GRID1: variants seen among roughly 807,000 people sequenced by gnomAD.
GRID1 encodes glutamate receptor ionotropic, delta-1.
In GRID1, 28 loss-of-function variants were observed where a neutral mutation model predicts 98.0. The observed-to-expected ratio is 0.29, with a 90% CI of 0.21 to 0.39. The LOEUF (loss-of-function observed/expected upper bound fraction) is 0.39. GRID1 is among the 10% of genes least tolerant of loss of function. GRID1 has a pLI of 1.00. For synonymous variants in GRID1, 553 were observed against 538.5 expected (o/e 1.03, Z -0.37); for missense variants, 1,111 against 1,340.5 (o/e 0.83, Z 2.67).
At chr10:86,265,475 CAT>C (rs1847090126) in intron 2 of GRID1, among the ~76,000 whole-genome samples, 1 of 152,246 alleles carries the variant, frequency 6.6e-6, no homozygotes, top group Non-Finnish European at 1.5e-5. Context: ...TGCCCACAGG[CAT>C]AGAGCTATTA....
At chr10:86,272,072 CA>C (rs1189329438) in intron 2 of GRID1, among the ~76,000 whole-genome samples, 18 of 151,988 alleles carry the variant, frequency 1.2e-4, no homozygotes, top group African/African-American at 4.4e-4. Flanking sequence ...ATAAGGATGA[CA>C]GTAAATTTCT....
chr10:85,803,081 G>A (rs974873768), intron 8 of GRID1, among the ~76,000 whole-genome samples: 2 of 152,062 alleles, frequency 1.3e-5, no homozygotes, highest in African/African-American at 2.4e-5. Flanking sequence ...GGCTGGGAAG[G>A]GTAGTTGGAG....
chr10:86,164,910 C>T (rs4644592), intron 3 of GRID1, among the ~76,000 whole-genome samples: 10,133 of 152,124 alleles, frequency 0.067, 627 homozygotes, highest in South Asian at 0.15. Flanking sequence ...AAAGCATGTC[C>T]TTGGGTGATG....
At chr10:85,718,327 G>T (rs1290277658) in intron 12 of GRID1, among the ~76,000 whole-genome samples, 1 of 152,122 alleles carries the variant, frequency 6.6e-6, no homozygotes, top group African/African-American at 2.4e-5. Flanking sequence ...TCTAGGCAAA[G>T]GTTCTCAAAC....
At chr10:85,953,228 TG>T (rs772346219) in intron 4 of GRID1, among the ~76,000 whole-genome samples, 5 of 152,008 alleles carry the variant, frequency 3.3e-5, no homozygotes, top group African/African-American at 7.2e-5. Context: ...TGCAGGGACA[TG>T]GGTGGAGCTG....
At chr10:85,720,741 G>T (rs999024770) in intron 12 of GRID1, among the ~76,000 whole-genome samples, 1 of 151,678 alleles carries the variant, frequency 6.6e-6, no homozygotes, top group African/African-American at 2.4e-5. Flanking sequence ...ATTGATTGTG[G>T]ACTGAATTGT....
intron 13 of GRID1, among the ~76,000 whole-genome samples, chr10:85,644,802 T>G (rs1189673451): frequency 6.6e-6 from 1 of 152,236 alleles, no homozygotes; most frequent in Admixed American, 6.5e-5. Flanking sequence ...ATTAACCAAC[T>G]GTTACTCCAC....
At chr10:86,267,187 C>G (rs1400226506) in intron 2 of GRID1, among the ~76,000 whole-genome samples, 1 of 152,258 alleles carries the variant, frequency 6.6e-6, no homozygotes, top group Non-Finnish European at 1.5e-5. Flanking sequence ...CCCCTGCAAG[C>G]TGGATATTAT....
At chr10:85,906,145 A>G (rs1841457478) in intron 5 of GRID1, among the ~76,000 whole-genome samples, 1 of 152,158 alleles carries the variant, frequency 6.6e-6, no homozygotes, top group Non-Finnish European at 1.5e-5. Flanking sequence ...AGAAAAAAAT[A>G]CCAGGGACAA....
intron 4 of GRID1, among the ~76,000 whole-genome samples, chr10:86,130,699 T>C (rs1483852060): frequency 4.6e-5 from 7 of 152,200 alleles, no homozygotes; most frequent in African/African-American, 1.4e-4. Flanking sequence ...TCCCCTGCAT[T>C]TACCATCCTT....
intron 2 of GRID1, among the ~76,000 whole-genome samples, chr10:86,281,033 T>C (rs1250757593): frequency 1.3e-5 from 2 of 152,146 alleles, no homozygotes; most frequent in East Asian, 3.9e-4. Context: ...CATTTTCCCT[T>C]TGGGACTTGT....
chr10:85,910,958 AC>A (rs1841529182), intron 5 of GRID1, among the ~76,000 whole-genome samples: 3 of 152,084 alleles, frequency 2.0e-5, no homozygotes, highest in Non-Finnish European at 4.4e-5. Context: ...GGAAAGAAAA[AC>A]CCTGCCAAAA....
chr10:85,871,013 C>A (rs1396756214), intron 5 of GRID1, among the ~76,000 whole-genome samples: 8 of 152,160 alleles, frequency 5.3e-5, no homozygotes, highest in Middle Eastern at 3.4e-3. Flanking sequence ...GAAGAGAGCA[C>A]CCTTCTCTGT....
At chr10:85,960,097 A>G (rs1190845893) in intron 4 of GRID1, among the ~76,000 whole-genome samples, 2 of 152,060 alleles carry the variant, frequency 1.3e-5, no homozygotes, top group Non-Finnish European at 2.9e-5. Context: ...TTTGGTAGAG[A>G]CAGGGTTGGC....
intron 4 of GRID1, among the ~76,000 whole-genome samples, chr10:86,059,094 C>T (rs1389401400): frequency 5.3e-5 from 8 of 152,122 alleles, no homozygotes; most frequent in Non-Finnish European, 7.4e-5. Context: ...GGAAGCAGCA[C>T]GTGCAAAGCC....
At chr10:85,966,177 T>C (rs761221986) in intron 4 of GRID1, among the ~76,000 whole-genome samples, 69 of 152,222 alleles carry the variant, frequency 4.5e-4, no homozygotes, top group Non-Finnish European at 1.2e-4. Flanking sequence ...AGAGCACTTG[T>C]TAAAAACAAT....
chr10:85,912,239 A>C (rs989098796), intron 5 of GRID1, among the ~76,000 whole-genome samples: 3 of 152,158 alleles, frequency 2.0e-5, no homozygotes, highest in African/African-American at 7.2e-5. Flanking sequence ...ACCCTCTCTA[A>C]GGTAATCTGC....
chr10:85,769,293 G>C (rs1399952928), intron 8 of GRID1, among the ~76,000 whole-genome samples: 1 of 152,214 alleles, frequency 6.6e-6, no homozygotes, highest in Non-Finnish European at 1.5e-5. Context: ...TCACTCATAA[G>C]TGGGAGATAA....
intron 4 of GRID1, among the ~76,000 whole-genome samples, chr10:86,109,196 C>T (rs4934152): frequency 0.9 from 136,472 of 152,262 alleles, 61,217 homozygotes; most frequent in East Asian, 1. Context: ...CCTCTGTAAG[C>T]CAAAACAACC....
Sources: gnomAD v4.1 joint callset for allele counts (sites outside exome capture counted in the v4.1 genomes callset) on GRCh38, gnomAD v4.1.1 for gene constraint, MANE v1.5 for transcripts, NCBI Gene and HGNC (gene_info 2026-07-23, HGNC 2026-07-21) for gene names.